RPS6KA2: variants seen among roughly 807,000 people sequenced by gnomAD.
The protein encoded by RPS6KA2 is ribosomal protein S6 kinase alpha-2.
In RPS6KA2, 42 loss-of-function variants were observed where a neutral mutation model predicts 91.8. The ratio of observed to expected loss-of-function variants is 0.46; its 90% confidence interval spans 0.36 to 0.59. The LOEUF is 0.59. Ranked by LOEUF, RPS6KA2 falls within the 20% of genes least tolerant of loss-of-function variation. The pLI is 0.00. For synonymous variants in RPS6KA2, 414 were observed against 393.6 expected, an observed-to-expected ratio of 1.05 and a Z score of -0.61; for missense variants, 798 against 978.5, an observed-to-expected ratio of 0.82 and a Z score of 2.46.
chr6:166,694,134 GC>G (rs1229521498), intron 2 of RPS6KA2, among the ~76,000 whole-genome samples: 1 of 152,236 alleles, frequency 6.6e-6, no homozygotes, highest in African/African-American at 2.4e-5. Flanking sequence ...GGGCTGGATG[GC>G]CCACATGCTC....
chr6:166,618,830 T>C (rs986338899), intron 1 of RPS6KA2, among the ~76,000 whole-genome samples: 1 of 152,256 alleles, frequency 6.6e-6, no homozygotes, highest in Non-Finnish European at 1.5e-5. Flanking sequence ...TCTGCTGTCA[T>C]GAGCCTTGAC....
intron 1 of RPS6KA2, among the ~76,000 whole-genome samples, chr6:166,619,592 C>T (rs918545761): frequency 6.6e-6 from 1 of 152,244 alleles, no homozygotes; most frequent in Non-Finnish European, 1.5e-5. Context: ...TCTTAAGGCT[C>T]GTGGAGGGCC....
chr6:166,522,211 T>C (rs1263596790), intron 3 of RPS6KA2, among the ~76,000 whole-genome samples: 1 of 152,252 alleles, frequency 6.6e-6, no homozygotes, highest in East Asian at 1.9e-4. Flanking sequence ...CTGTTCTATC[T>C]AGGTGATAAT....
chr6:166,525,926 G>A lies in RPS6KA2; in HGVS notation c.298+5306C>T, dbSNP rs1783011316. 4.6e-5 allele frequency among the ~76,000 whole-genome samples: 7 copies of A among 152,202 alleles called. No homozygotes were observed. The South Asian group carries it at 1.5e-3, about 32-fold the overall frequency. ...AATGGAACGCAGAGGTGTTAGAGCT[G>A]AGACAAACTTGGAGGTCCCTTTGAG... On this transcript the variant is annotated intron_variant, in intron 3 of 20. Transcript: ENST00000265678.
intron 2 of RPS6KA2, among the ~76,000 whole-genome samples, chr6:166,815,973 T>A (rs1779750238): frequency 6.6e-6 from 1 of 152,214 alleles, no homozygotes; most frequent in Non-Finnish European, 1.5e-5. Flanking sequence ...TCAAACCTAA[T>A]GCTGTTGATG....
intron 2 of RPS6KA2, among the ~76,000 whole-genome samples, chr6:166,851,381 G>A (rs535237628): frequency 2.3e-4 from 35 of 152,288 alleles, no homozygotes; most frequent in African/African-American, 8.4e-4. Context: ...ATTTAGCAAC[G>A]ACCTCAACGC....
At chr6:166,746,087 C>T (rs1790999709) in intron 2 of RPS6KA2, among the ~76,000 whole-genome samples, 1 of 152,196 alleles carries the variant, frequency 6.6e-6, no homozygotes, top group South Asian at 2.1e-4. Flanking sequence ...CCTTCCGCCT[C>T]TACAGATTTC....
chr6:166,519,086 A>G (rs2128486744), intron 3 of RPS6KA2, among the ~76,000 whole-genome samples: 1 of 152,352 alleles, frequency 6.6e-6, no homozygotes. Context: ...CAAATGTTTC[A>G]TTTTCTGATG....
At chr6:166,718,937 C>T (rs1457930601) in intron 2 of RPS6KA2, among the ~76,000 whole-genome samples, 2 of 152,172 alleles carry the variant, frequency 1.3e-5, no homozygotes, top group Admixed American at 6.5e-5. Flanking sequence ...TGTCTGTATA[C>T]AGGCATATAT....
intron 2 of RPS6KA2, among the ~76,000 whole-genome samples, chr6:166,703,583 C>T (rs1360484728): frequency 6.6e-6 from 1 of 152,242 alleles, no homozygotes; most frequent in East Asian, 1.9e-4. Flanking sequence ...GGAGAGATGT[C>T]ATTTCCTTCT....
chr6:166,559,145 T>C (rs1256352261), intron 1 of RPS6KA2, among the ~76,000 whole-genome samples: 1 of 152,276 alleles, frequency 6.6e-6, no homozygotes, highest in Middle Eastern at 3.4e-3. Flanking sequence ...CCGGAACTAC[T>C]GTATCATTCT....
exon 2 of RPS6KA2, chr6:166,858,211 T>C (rs752047168): frequency 7.2e-6 from 11 of 1,533,214 alleles, no homozygotes; most frequent in Non-Finnish European, 1.0e-5. Flanking sequence ...TCTTCTGCAG[T>C]GTCTTCTGTG....
chr6:166,429,343 C>G (rs1004022287), intron 16 of RPS6KA2, among the ~76,000 whole-genome samples: 1 of 149,708 alleles, frequency 6.7e-6, no homozygotes, highest in Non-Finnish European at 1.5e-5. Context: ...TGCTAAATGA[C>G]GAGTTAATGG....
chr6:166,815,574 A>G (rs1053273518), intron 2 of RPS6KA2, among the ~76,000 whole-genome samples: 2 of 152,226 alleles, frequency 1.3e-5, no homozygotes, highest in African/African-American at 4.8e-5. Flanking sequence ...AATTTAGGAA[A>G]TAATCTGATG....
intron 2 of RPS6KA2, among the ~76,000 whole-genome samples, chr6:166,669,075 G>A (rs1242812704): frequency 6.6e-6 from 1 of 151,802 alleles, no homozygotes; most frequent in Non-Finnish European, 1.5e-5. Context: ...GTATTTTTTG[G>A]TTGAGACGGG....
chr6:166,471,451 A>G (rs1780766331), intron 10 of RPS6KA2, among the ~76,000 whole-genome samples: 1 of 152,238 alleles, frequency 6.6e-6, no homozygotes. Flanking sequence ...AAGCTTGGCC[A>G]GGGCCATGGT....
chr6:166,505,963 C>T (rs1782206803), intron 5 of RPS6KA2, among the ~76,000 whole-genome samples: 1 of 152,188 alleles, frequency 6.6e-6, no homozygotes, highest in Non-Finnish European at 1.5e-5. Context: ...TCTTTCCACT[C>T]CCCTAGCTCT....
chr6:166,451,189 T>C lies in RPS6KA2; in HGVS notation c.1120A>G (p.Arg374Gly). Residue 374 changes from arginine (R) to glycine (G), a missense_variant, in exon 13 of 21, where the codon AGA becomes GGA. Physicochemically the swap from Arg to Gly is moderately radical, Grantham distance 125. Transcript: ENST00000265678. ...CTTGAGGCCACAAAGCTGAATCCTCTAAACAGGTGATGAGCGTTTGCACTC... is the reference window on the plus strand; with the variant it reads ...CTTGAGGCCACAAAGCTGAATCCTCCAAACAGGTGATGAGCGTTTGCACTC... The part of the protein sequence containing the change: ...PPSANAHHLF[R>G]GFSFVASSLI... 6.2e-7 allele frequency: 1 copy of C among 1,614,074 alleles called. No homozygotes were observed. Among genetic ancestry groups the C allele is most frequent in the Non-Finnish European group, 8.5e-7 (1 of 1,179,988 alleles).
intron 1 of RPS6KA2, among the ~76,000 whole-genome samples, chr6:166,569,119 A>G (rs922845750): frequency 2.6e-5 from 4 of 152,266 alleles, no homozygotes; most frequent in African/African-American, 9.6e-5. Context: ...ACTCTAAGTT[A>G]ATGGGTACAG....
Sources: gnomAD v4.1 joint callset for allele counts (sites outside exome capture counted in the v4.1 genomes callset) on GRCh38, gnomAD v4.1.1 for gene constraint, MANE v1.5 for transcripts, NCBI Gene and HGNC (gene_info 2026-07-23, HGNC 2026-07-21) for gene names.